Variants in BICDL1 observed in about 807,000 individuals in gnomAD.
BICDL1 encodes the protein BICD family like cargo adaptor 1.
Under a neutral mutation model 76.8 loss-of-function variants are expected in BICDL1, and 20 were observed. The ratio of observed to expected loss-of-function variants is 0.26; its 90% CI spans 0.18 to 0.38. BICDL1 has a LOEUF of 0.38. Among genes scored for constraint, BICDL1 ranks in the 10% least tolerant of loss-of-function variants. The probability of loss-of-function intolerance (pLI) is 1.00; values close to 1 mark genes in which losing one functional copy is unlikely to be tolerated. For missense variants in BICDL1, 700 were observed against 798.6 expected, an observed-to-expected ratio of 0.88 and a Z score of 1.49; for synonymous variants, 383 against 337.1, an observed-to-expected ratio of 1.14 and a Z score of -1.49.
chr12:120,015,707 G>A lies in BICDL1; in HGVS notation c.645+16971G>A, dbSNP rs76078315. 7.6e-3 allele frequency among the ~76,000 whole-genome samples: 1,164 copies of A among 152,236 alleles called. 18 individuals are homozygous for A. Among genetic ancestry groups the A allele is most frequent in the African/African-American group, 0.027 (1,106 of 41,538 alleles). ...TGTTACTTAGTTCTGTGGTTCAAATGTATAGCAAACTTGACCATTTACTAA... is the reference window on the plus strand; with the variant it reads ...TGTTACTTAGTTCTGTGGTTCAAATATATAGCAAACTTGACCATTTACTAA... On this transcript the variant is annotated intron_variant, in intron 2 of 9. Coordinates refer to ENST00000548673, the MANE Select transcript of BICDL1 (RefSeq NM_001367886.1).
At chr12:120,029,317 C>G (rs972891716) in intron 2 of BICDL1, among the ~76,000 whole-genome samples, 1 of 152,168 alleles carries the variant, frequency 6.6e-6, no homozygotes. Flanking sequence ...TTTTTTCCCC[C>G]TCAATAGGAC....
At chr12:120,022,506 T>A (rs1039158318) in intron 2 of BICDL1, among the ~76,000 whole-genome samples, 1 of 148,522 alleles carries the variant, frequency 6.7e-6, no homozygotes, top group Non-Finnish European at 1.5e-5. Context: ...ATATATATAT[T>A]AAAGGAGACT....
At chr12:119,994,929 A>G (rs1951608355) in intron 1 of BICDL1, among the ~76,000 whole-genome samples, 1 of 152,246 alleles carries the variant, frequency 6.6e-6, no homozygotes, top group African/African-American at 2.4e-5. Context: ...TTATTGAACC[A>G]GTACTCATGT....
intron 1 of BICDL1, among the ~76,000 whole-genome samples, chr12:119,996,671 C>CATAT (rs1454799212): frequency 3.0e-5 from 4 of 133,746 alleles, no homozygotes; most frequent in African/African-American, 1.4e-4. Flanking sequence ...AGTATATATA[C>CATAT]ATATACAGAT....
intron 7 of BICDL1, among the ~76,000 whole-genome samples, chr12:120,077,672 C>T (rs1258097264): frequency 2.6e-5 from 4 of 152,202 alleles, no homozygotes; most frequent in African/African-American, 9.7e-5. Context: ...TGCCTCTCCT[C>T]TGAAATCTCA....
intron 2 of BICDL1, among the ~76,000 whole-genome samples, chr12:120,049,998 T>C (rs1174220600): frequency 2.0e-5 from 3 of 152,220 alleles, no homozygotes; most frequent in Admixed American, 6.5e-5. Flanking sequence ...ATTGTAGCCT[T>C]CTTATGAGTA....
intron 2 of BICDL1, among the ~76,000 whole-genome samples, chr12:120,059,127 G>T (rs533337840): frequency 3.6e-4 from 55 of 151,408 alleles, no homozygotes; most frequent in Middle Eastern, 3.4e-3. Flanking sequence ...ACGTAGTCTT[G>T]CTCTGTTGCC....
chr12:120,061,960 G>A, intron 3 of BICDL1, 134 bp downstream of exon 3: 1 of 644,776 alleles, frequency 1.6e-6, no homozygotes, highest in South Asian at 1.9e-5. Flanking sequence ...GGAAACATTT[G>A]ATCTGTTTCT....
intron 3 of BICDL1, among the ~76,000 whole-genome samples, chr12:120,063,213 G>T (rs1356705891): frequency 1.3e-5 from 2 of 152,196 alleles, no homozygotes; most frequent in Admixed American, 6.5e-5. Flanking sequence ...AGGTCAGAGG[G>T]TATTTAAATG....
At chr12:120,042,297 G>A (rs758316867) in intron 2 of BICDL1, among the ~76,000 whole-genome samples, 5 of 152,152 alleles carry the variant, frequency 3.3e-5, no homozygotes, top group Non-Finnish European at 5.9e-5. Context: ...TGTGTGGATG[G>A]GTTGGATGTG....
chr12:120,072,787 G>C, intron 6 of BICDL1, 58 bp downstream of exon 6: 1 of 1,463,096 alleles, frequency 6.8e-7, no homozygotes, highest in African/African-American at 1.4e-5. Flanking sequence ...TGGGAGGTTA[G>C]AACCCAGTGC....
At chr12:120,091,709 C>T in intron 9 of BICDL1, 1 of 985,336 alleles carries the variant, frequency 1.0e-6, no homozygotes, top group Non-Finnish European at 1.2e-6. Flanking sequence ...GGTCCACACT[C>T]ACTGCTACCC....
At chr12:120,084,307 T>A (rs1326029099) in intron 8 of BICDL1, among the ~76,000 whole-genome samples, 1 of 152,020 alleles carries the variant, frequency 6.6e-6, no homozygotes, top group Non-Finnish European at 1.5e-5. Flanking sequence ...CGGCCAACAC[T>A]TTTATTCTTT....
chr12:120,023,370 G>T (rs1400208119), intron 2 of BICDL1, among the ~76,000 whole-genome samples: 1 of 152,058 alleles, frequency 6.6e-6, no homozygotes, highest in Non-Finnish European at 1.5e-5. Context: ...AGATTCAAAA[G>T]GATCAAACTA....
chr12:120,003,143 G>A (rs1455086532), intron 2 of BICDL1, among the ~76,000 whole-genome samples: 1 of 138,860 alleles, frequency 7.2e-6, no homozygotes, highest in East Asian at 2.2e-4. Context: ...GGGCAACAGA[G>A]CAAGACCCCA....
Position 120,071,694 on chromosome 12 carries a change from C to T in BICDL1, c.982C>T (p.Leu328Phe), listed in dbSNP as rs758846658. 1.9e-6 allele frequency: 3 copies of T among 1,612,726 alleles called. No individual in the cohort carries two copies. The highest frequency in any genetic ancestry group is 1.7e-6 in the Non-Finnish European group (2 of 1,179,862). The change falls in exon 5 of 10, where the codon CTC (leucine) becomes TTC (phenylalanine). Residue 328 changes from leucine to phenylalanine, a missense_variant. Coordinates refer to ENST00000548673, the MANE Select transcript of BICDL1 (RefSeq NM_001367886.1). This position sits in a 1 kb window ranked among gnomAD's most constrained non-coding sequence, Gnocchi z 4.8. ...ACAGCTGCAGGTGAAGGTGGAAGAA[C>T]TCACTGAGGAGAGGAGTCTGCAGAG... is the stretch of plus-strand genomic sequence containing the variant. Reference protein sequence around the residue: ...CRQLQVKVEELTEERSLQSSA... With the variant: ...CRQLQVKVEEFTEERSLQSSA...
chr12:120,030,241 C>T (rs1022106054), intron 2 of BICDL1, among the ~76,000 whole-genome samples: 5 of 152,072 alleles, frequency 3.3e-5, no homozygotes, highest in African/African-American at 1.2e-4. Flanking sequence ...ACTGTTGGGG[C>T]AGAACATACT....
chr12:120,090,108 T>C (rs757178395), intron 9 of BICDL1, 37 bp downstream of exon 9: 11 of 1,608,732 alleles, frequency 6.8e-6, no homozygotes, highest in Non-Finnish European at 6.8e-6. Flanking sequence ...GAGAGGAGAC[T>C]CCAGGAGGAA....
chr12:120,059,702 G>T (rs1594181813), intron 2 of BICDL1, among the ~76,000 whole-genome samples: 1 of 150,906 alleles, frequency 6.6e-6, no homozygotes, highest in African/African-American at 2.4e-5. Flanking sequence ...GAGTTACCCT[G>T]CCCAGCCTAT....
Sources: gnomAD v4.1 joint callset for allele counts (sites outside exome capture counted in the v4.1 genomes callset) on GRCh38, gnomAD v4.1.1 for gene constraint, Gnocchi (gnomAD v3.1) non-coding constraint, MANE v1.5 for transcripts, NCBI Gene and HGNC (gene_info 2026-07-23, HGNC 2026-07-21) for gene names.